Variants in TMEM131L observed in about 807,000 individuals in gnomAD.
TMEM131L encodes transmembrane protein 131-like.
TMEM131L carries 54 observed loss-of-function variants against 192.2 expected under a neutral mutation model. That is an observed-to-expected ratio of 0.28 (90% confidence interval 0.23 to 0.35). The LOEUF (loss-of-function observed/expected upper bound fraction) is 0.35, where lower values mean the gene tolerates loss of function less well. Ranked by LOEUF, TMEM131L falls within the 10% of genes least tolerant of loss-of-function variation. The pLI, the probability that TMEM131L is intolerant of heterozygous loss-of-function variation, is 1.00. For missense variants in TMEM131L, 1,888 were observed against 1,972.9 expected (o/e 0.96, Z 0.82); for synonymous variants, 701 against 704.9 (o/e 0.99, Z 0.09).
intron 7 of TMEM131L, among the ~76,000 whole-genome samples, chr4:153,567,615 G>A (rs1292637635): frequency 6.6e-6 from 1 of 151,696 alleles, no homozygotes; most frequent in African/African-American, 2.4e-5. Flanking sequence ...CACGATCTCG[G>A]CTCACTGCAA....
At chr4:153,514,651 T>C (rs1381493653) in intron 3 of TMEM131L, among the ~76,000 whole-genome samples, 1 of 152,218 alleles carries the variant, frequency 6.6e-6, no homozygotes, top group East Asian at 1.9e-4. Flanking sequence ...AAGTTAGTAC[T>C]CATTCAAGCT....
chr4:153,636,303 C>G lies in TMEM131L; in HGVS notation c.4560C>G (p.Pro1520=), dbSNP rs1734567398. Residue 1520 remains proline (P), a splice_region_variant and synonymous_variant, in exon 35 of 35, where the codon CCC becomes CCG. Transcript: ENST00000409959. ...WGHASFISSP[P]YLTSTRSLSP... ...TTCCTTCCTCATTTATACTTCAGCC[C>G]TACCTCACAAGCACCCGAAGCTTGT... The G allele has an allele frequency of 1.2e-6, 2 of 1,612,454 alleles. No homozygotes were observed. Among genetic ancestry groups the G allele is most frequent in the Non-Finnish European group, 8.5e-7 (1 of 1,178,782 alleles).
chr4:153,593,747 C>A (rs142129968), intron 18 of TMEM131L, 52 bp from the exon 19 acceptor site: 2 of 1,180,350 alleles, frequency 1.7e-6, no homozygotes, highest in South Asian at 2.4e-5. Flanking sequence ...TTAAATCTTT[C>A]TTTACTGGCA....
At chr4:153,539,313 G>A (rs142516739) in intron 3 of TMEM131L, among the ~76,000 whole-genome samples, 175 of 152,140 alleles carry the variant, frequency 1.2e-3, no homozygotes, top group Middle Eastern at 6.8e-3. Context: ...AAGAAAAATC[G>A]TTTTTAAAGT....
At chr4:153,585,376 G>A (rs1435946575) in intron 12 of TMEM131L, 82 bp from the exon 13 acceptor site, 2 of 1,349,838 alleles carry the variant, frequency 1.5e-6, no homozygotes, top group African/African-American at 2.9e-5. Flanking sequence ...TGATGCTCCT[G>A]TTTTTGCAAT....
intron 4 of TMEM131L, among the ~76,000 whole-genome samples, chr4:153,552,671 A>G (rs867745042): frequency 1.3e-5 from 2 of 151,934 alleles, no homozygotes; most frequent in Non-Finnish European, 2.9e-5. Flanking sequence ...TCTCCATAAA[A>G]TTTTTTTTAA....
At chr4:153,539,381 T>G (rs1435027402) in intron 3 of TMEM131L, among the ~76,000 whole-genome samples, 1 of 152,194 alleles carries the variant, frequency 6.6e-6, no homozygotes, top group Admixed American at 6.5e-5. Context: ...TAAATTATAC[T>G]TTATGGGCAA....
chr4:153,516,456 C>G (rs1042776626), intron 3 of TMEM131L, among the ~76,000 whole-genome samples: 1 of 152,140 alleles, frequency 6.6e-6, no homozygotes, highest in African/African-American at 2.4e-5. Flanking sequence ...TCTTGAAATC[C>G]TGGGCTCAAA....
At position 153,634,280 on chromosome 4, in the gene TMEM131L, G is replaced by A; in HGVS notation, c.4417G>A (p.Glu1473Lys). 6.2e-7 allele frequency: 1 copy of A among 1,610,390 alleles called. No homozygotes were observed. Residue 1473 changes from glutamate (E) to lysine (K), a missense_variant and splice_region_variant, in exon 33 of 35, where the codon GAA (glutamate) becomes AAA (lysine). By Grantham distance (56) the Glu-to-Lys change is moderately conservative. Coordinates refer to ENST00000409959, the MANE Select transcript of TMEM131L (RefSeq NM_001131007.2). The stretch of plus-strand genomic sequence containing the variant: ...GAACGATTACAATGCCTTTCCAGAA[G>A]GTAAGGGCTCTTCAGACAATCCCAA... ...ELNDYNAFPE[E>K]NMNYANGFPC...
chr4:153,516,587 G>A (rs1034360301), intron 3 of TMEM131L, among the ~76,000 whole-genome samples: 1 of 152,018 alleles, frequency 6.6e-6, no homozygotes, highest in Non-Finnish European at 1.5e-5. Flanking sequence ...ACCCCACCAG[G>A]CTATATCTAC....
At chr4:153,541,299 G>C (rs1158252398) in intron 3 of TMEM131L, among the ~76,000 whole-genome samples, 1 of 152,222 alleles carries the variant, frequency 6.6e-6, no homozygotes, top group Non-Finnish European at 1.5e-5. Flanking sequence ...TGTGGTAAGA[G>C]TAAATATGTA....
chr4:153,527,397 C>T (rs935535429), intron 3 of TMEM131L, among the ~76,000 whole-genome samples: 3 of 152,018 alleles, frequency 2.0e-5, no homozygotes, highest in African/African-American at 7.3e-5. Context: ...CTCATCCTCC[C>T]GAGTAGCTGA....
At chr4:153,604,790 C>T (rs1217232680) in intron 25 of TMEM131L, among the ~76,000 whole-genome samples, 15 of 152,212 alleles carry the variant, frequency 9.9e-5, no homozygotes, top group Admixed American at 4.6e-4. Flanking sequence ...CTGTGACCTC[C>T]GCCTCCTGGG....
At chr4:153,566,137 CT>C (rs774119161) in intron 7 of TMEM131L, among the ~76,000 whole-genome samples, 3,199 of 142,438 alleles carry the variant, frequency 0.022, 72 homozygotes, top group African/African-American at 0.065. Context: ...ATGTGGGAAA[CT>C]TTTTTTTTTT....
intron 3 of TMEM131L, among the ~76,000 whole-genome samples, chr4:153,546,881 C>A (rs11946449): frequency 6.6e-6 from 1 of 152,092 alleles, no homozygotes; most frequent in Non-Finnish European, 1.5e-5. Context: ...GAGCCGAGTT[C>A]ATGCTATTGC....
chr4:153,547,130 A>T (rs56110139), intron 3 of TMEM131L, among the ~76,000 whole-genome samples: 6,935 of 152,274 alleles, frequency 0.046, 436 homozygotes, highest in East Asian at 0.26. Context: ...AACTTATTTT[A>T]TGACTCTTAG....
intron 3 of TMEM131L, among the ~76,000 whole-genome samples, chr4:153,492,654 C>T (rs929882718): frequency 6.6e-6 from 1 of 152,226 alleles, no homozygotes; most frequent in Non-Finnish European, 1.5e-5. Context: ...AGGTTATAAA[C>T]ACAGTCTGTG....
At chr4:153,602,107 T>G (rs1168637900) in intron 21 of TMEM131L, 45 bp from the exon 22 acceptor site, 12 of 1,108,182 alleles carry the variant, frequency 1.1e-5, no homozygotes, top group Non-Finnish European at 1.5e-5. Context: ...TTAAATAAAT[T>G]TTATAGTTCA....
In TMEM131L at chr4:153,581,506, T is replaced by C; in HGVS notation, c.838T>C (p.Leu280=). Residue 280 remains leucine, a synonymous_variant, in exon 9 of 35, where the codon TTG becomes CTG. Transcript: ENST00000409959. ...SKEFEENTQH[L]LDHLSIVYVA... ...AGAATTTGAAGAAAACACACAACAT[T>C]TGTTAGATCATCTCTCTATTGTTTA... 1.2e-6 allele frequency: 2 copies of C among 1,604,212 alleles called. No homozygotes were observed.
Sources: allele counts gnomAD v4.1 joint callset (sites outside exome capture counted in the v4.1 genomes callset), GRCh38; gene constraint gnomAD v4.1.1; transcripts MANE v1.5; gene names NCBI Gene and HGNC (gene_info 2026-07-23, HGNC 2026-07-21).